Variants in GALNT2 observed in about 807,000 individuals in gnomAD.
The protein encoded by GALNT2 is polypeptide N-acetylgalactosaminyltransferase 2.
GALNT2 carries 31 observed loss-of-function variants against 81.4 expected under a neutral mutation model. The ratio of observed to expected loss-of-function variants is 0.38; its 90% confidence interval spans 0.29 to 0.51. The LOEUF is 0.51. Ranked by LOEUF, GALNT2 falls within the 20% of genes least tolerant of loss-of-function variation. The pLI is 0.87. For missense variants in GALNT2, 629 were observed against 765.7 expected (o/e 0.82, Z 2.11); for synonymous variants, 303 against 287.4 (o/e 1.05, Z -0.55).
At chr1:230,153,798 G>A (rs1455662739) in intron 1 of GALNT2, among the ~76,000 whole-genome samples, 1 of 152,224 alleles carries the variant, frequency 6.6e-6, no homozygotes, top group Non-Finnish European at 1.5e-5. Context: ...GCCTCCTGGC[G>A]TGGCCTCGGG....
chr1:230,184,204 T>C (rs1044746046), intron 2 of GALNT2, among the ~76,000 whole-genome samples: 9 of 151,756 alleles, frequency 5.9e-5, no homozygotes, highest in African/African-American at 2.2e-4. Context: ...TTTTTTTTTT[T>C]TTGCGACAGA....
intron 3 of GALNT2, among the ~76,000 whole-genome samples, chr1:230,212,286 G>A (rs1001185438): frequency 3.3e-5 from 5 of 152,138 alleles, no homozygotes; most frequent in African/African-American, 1.2e-4. Context: ...TTAGGCATGA[G>A]TCTTGGCATG....
At chr1:230,125,824 C>T (rs1361383445) in intron 1 of GALNT2, among the ~76,000 whole-genome samples, 2 of 152,250 alleles carry the variant, frequency 1.3e-5, no homozygotes, top group African/African-American at 4.8e-5. Flanking sequence ...TGCCATGCCT[C>T]ATGTCATCAT....
intron 1 of GALNT2, among the ~76,000 whole-genome samples, chr1:230,170,308 T>G (rs866579104): frequency 6.6e-6 from 1 of 152,198 alleles, no homozygotes; most frequent in Non-Finnish European, 1.5e-5. Context: ...TTCAGAAATA[T>G]TTGAGAGACT....
At chr1:230,176,495 G>A (rs1319724154) in intron 1 of GALNT2, among the ~76,000 whole-genome samples, 1 of 152,184 alleles carries the variant, frequency 6.6e-6, no homozygotes, top group Non-Finnish European at 1.5e-5. Context: ...GGGTTGAGAG[G>A]TGGGAATTAT....
intron 3 of GALNT2, among the ~76,000 whole-genome samples, chr1:230,231,583 CAG>C (rs1258919927): frequency 7.2e-5 from 11 of 152,314 alleles, no homozygotes; most frequent in Non-Finnish European, 1.5e-4. Flanking sequence ...GCCCTAAAGA[CAG>C]AGTCATTCTT....
chr1:230,134,368 A>T (rs544503335), intron 1 of GALNT2, among the ~76,000 whole-genome samples: 18 of 152,246 alleles, frequency 1.2e-4, no homozygotes, highest in African/African-American at 4.3e-4. Context: ...TGGCCTCCCA[A>T]AGTGCTGGGA....
chr1:230,125,687 TGAG>T (rs1661152026), intron 1 of GALNT2, among the ~76,000 whole-genome samples: 1 of 123,492 alleles, frequency 8.1e-6, no homozygotes, highest in African/African-American at 3.0e-5. Context: ...CTTCAGGCAG[TGAG>T]AAACTGTTAA....
chr1:230,248,776 G>A (rs1307726465), intron 8 of GALNT2, among the ~76,000 whole-genome samples: 5 of 152,098 alleles, frequency 3.3e-5, no homozygotes, highest in African/African-American at 1.2e-4. Context: ...CCTTCCCCTG[G>A]GGCAGTGTTG....
At chr1:230,118,726 G>A (rs2102798214) in intron 1 of GALNT2, among the ~76,000 whole-genome samples, 1 of 152,244 alleles carries the variant, frequency 6.6e-6, no homozygotes, top group East Asian at 1.9e-4. Flanking sequence ...CACTGTCTCG[G>A]TGGGAGCATC....
At chr1:230,128,347 A>G (rs1325347665) in intron 1 of GALNT2, among the ~76,000 whole-genome samples, 1 of 151,790 alleles carries the variant, frequency 6.6e-6, no homozygotes, top group African/African-American at 2.4e-5. Flanking sequence ...CTCCGATGTT[A>G]TATGGATTTT....
chr1:230,279,834 C>T lies in GALNT2; in HGVS notation c.*376C>T, dbSNP rs1261911472. Reference sequence around the variant, plus strand: ...CTGAGGACAGGGCGGGAGGAGGGGGCACACATGCCCCAGGGGAGCGAGGAG... The same window carrying T: ...CTGAGGACAGGGCGGGAGGAGGGGGTACACATGCCCCAGGGGAGCGAGGAG... On this transcript the variant is annotated 3_prime_UTR_variant, in exon 16 of 16. Transcript: ENST00000366672. The surrounding 1 kb of genome is among the most constrained non-coding windows in gnomAD (Gnocchi z 4.6). The T allele has an allele frequency of 6.3e-6, 3 of 476,232 alleles. No individual in the cohort carries two copies. The highest frequency in any genetic ancestry group is 4.2e-6 in the Non-Finnish European group (1 of 240,810). 29.5% of individuals were successfully genotyped at this position (476,232 alleles called of 1,614,324 possible).
intron 1 of GALNT2, among the ~76,000 whole-genome samples, chr1:230,121,978 G>T (rs1255459555): frequency 4.2e-5 from 6 of 141,638 alleles, no homozygotes; most frequent in African/African-American, 5.3e-5. Flanking sequence ...CAAGGGACAG[G>T]GTCTTACTCT....
At chr1:230,178,698 ACCT>A (rs1338429348) in intron 2 of GALNT2, among the ~76,000 whole-genome samples, 1 of 151,540 alleles carries the variant, frequency 6.6e-6, no homozygotes, top group Non-Finnish European at 1.5e-5. Context: ...CACACATACA[ACCT>A]CCTCCATTGT....
chr1:230,273,794 A>G (rs1464836139), intron 14 of GALNT2, among the ~76,000 whole-genome samples: 3 of 152,222 alleles, frequency 2.0e-5, no homozygotes, highest in Admixed American at 6.5e-5. Flanking sequence ...TGTTGTATAA[A>G]GGGCTTAAAA....
At chr1:230,244,499 T>C (rs1206402888) in intron 7 of GALNT2, among the ~76,000 whole-genome samples, 1 of 138,854 alleles carries the variant, frequency 7.2e-6, no homozygotes, top group East Asian at 2.6e-4. Flanking sequence ...CACAACTTCT[T>C]GCTCTCCCTG....
intron 3 of GALNT2, among the ~76,000 whole-genome samples, chr1:230,227,382 T>C (rs1664745465): frequency 1.3e-5 from 2 of 151,678 alleles, no homozygotes; most frequent in African/African-American, 4.8e-5. Context: ...GTTCAATTTA[T>C]GGTTATAGAC....
intron 1 of GALNT2, among the ~76,000 whole-genome samples, chr1:230,177,540 T>C (rs1258407583): frequency 6.6e-6 from 1 of 152,270 alleles, no homozygotes; most frequent in East Asian, 1.9e-4. Context: ...TTATTTAGTC[T>C]GATTTAATGT....
intron 1 of GALNT2, among the ~76,000 whole-genome samples, chr1:230,083,187 GC>G (rs1207518876): frequency 6.8e-6 from 1 of 147,402 alleles, no homozygotes; most frequent in East Asian, 2.1e-4. Context: ...GGATGATGGA[GC>G]AGGGAGCCAG....
Sources: allele counts gnomAD v4.1 joint callset (sites outside exome capture counted in the v4.1 genomes callset), GRCh38; gene constraint gnomAD v4.1.1; non-coding constraint Gnocchi (gnomAD v3.1); transcripts MANE v1.5; gene names NCBI Gene and HGNC (gene_info 2026-07-23, HGNC 2026-07-21).